The following MCPH1 variants were observed in gnomAD, a reference collection of about 807,000 sequenced individuals.
The protein encoded by MCPH1 is microcephalin 1, also known as microcephalin.
MCPH1 carries 104 observed loss-of-function variants against 84.5 expected under a neutral mutation model. That is an observed-to-expected ratio of 1.23 (90% CI 1.05 to 1.45). MCPH1 has a LOEUF of 1.45. MCPH1 is among the 40% of genes most tolerant of loss of function. The pLI is 0.00. For synonymous variants in MCPH1, 514 were observed against 366.8 expected, an observed-to-expected ratio of 1.40 and a Z score of -4.58; for missense variants, 1,498 against 1,005.7, an observed-to-expected ratio of 1.49 and a Z score of -6.62.
In MCPH1 at chr8:6,414,826, C is replaced by A; in HGVS notation, c.176C>A (p.Thr59Asn). 6.2e-7 allele frequency: 1 copy of A among 1,613,784 alleles called. No individual in the cohort carries two copies. The highest frequency in any genetic ancestry group is 8.5e-7 in the Non-Finnish European group (1 of 1,179,884). Residue 59 changes from threonine (T) to asparagine (N), a missense_variant, in exon 3 of 14, where the codon ACT (threonine) becomes AAT (asparagine). By Grantham distance (65) the Thr-to-Asn change is moderately conservative. Transcript: ENST00000344683. ...HVIFKDGYQS[T>N]WDKAQKRGVK... ...ATCTTCAAAGATGGCTACCAGAGCA[C>A]TTGGGACAAAGCTCAGAAGAGAGGC... is the stretch of plus-strand genomic sequence containing the variant.
rs11459930 is a variant in MCPH1, at chr8:6,453,396, CT to C, written c.1826-1735del. ...GTGAAAACATGTTAACAATATCAGT[CT>C]TTTTTTTTTTTAATATCAGTCTTTC... is the stretch of plus-strand genomic sequence containing the variant. On this transcript the variant is annotated intron_variant, in intron 8 of 13. Transcript: ENST00000344683. Among the ~76,000 whole-genome samples the C allele has an allele frequency of 2.1e-3, 310 of 147,388 alleles. 2 individuals carry two copies. Among genetic ancestry groups the C allele is most frequent in the African/African-American group, 6.9e-3 (275 of 40,012 alleles).
chr8:6,638,105 G>A (rs547665692), intron 13 of MCPH1, among the ~76,000 whole-genome samples: 3 of 151,990 alleles, frequency 2.0e-5, no homozygotes, highest in African/African-American at 7.2e-5. Context: ...CATGTGATAT[G>A]AGCAGATGAA....
intron 12 of MCPH1, among the ~76,000 whole-genome samples, chr8:6,600,191 C>T (rs946650230): frequency 6.6e-6 from 1 of 152,244 alleles, no homozygotes; most frequent in Non-Finnish European, 1.5e-5. Flanking sequence ...GTCAAATCTG[C>T]AAAACCTACT....
chr8:6,436,269 G>T, intron 5 of MCPH1, 107 bp downstream of exon 5: 1 of 1,224,222 alleles, frequency 8.2e-7, no homozygotes, highest in Non-Finnish European at 1.1e-6. Flanking sequence ...TGAAGACTAT[G>T]ATAGCTTTAC....
intron 12 of MCPH1, among the ~76,000 whole-genome samples, chr8:6,550,041 T>A (rs898119851): frequency 3.9e-5 from 6 of 152,214 alleles, no homozygotes; most frequent in African/African-American, 1.4e-4. Flanking sequence ...GAATGGAAGA[T>A]GTGCCTGCTG....
At chr8:6,516,085 A>T (rs1816215110) in intron 12 of MCPH1, among the ~76,000 whole-genome samples, 1 of 152,196 alleles carries the variant, frequency 6.6e-6, no homozygotes, top group Non-Finnish European at 1.5e-5. Context: ...TGCCTTCCCC[A>T]GTGGCACTCA....
chr8:6,580,863 G>A (rs113037916), intron 12 of MCPH1, among the ~76,000 whole-genome samples: 17 of 152,224 alleles, frequency 1.1e-4, no homozygotes, highest in African/African-American at 3.4e-4. Context: ...TACATTAAAC[G>A]TTACTGATTC....
At chr8:6,447,011 TGTCCAGGC>T in intron 8 of MCPH1, 1 of 54,972 alleles carries the variant, frequency 1.8e-5, no homozygotes, top group African/African-American at 3.9e-5. Context: ...CAGGCAGGGG[TGTCCAGGC>T]AGGGCCCGGG....
At chr8:6,447,060 G>T in intron 8 of MCPH1, 1 of 985,430 alleles carries the variant, frequency 1.0e-6, no homozygotes. Context: ...GCGCTAGTGC[G>T]AGAGGATCTT....
intron 12 of MCPH1, chr8:6,513,904 G>A: frequency 1.4e-6 from 2 of 1,466,264 alleles, no homozygotes; most frequent in South Asian, 2.6e-5. Flanking sequence ...TATATTTGAA[G>A]TGGATAGTCC....
At chr8:6,442,223 G>C (rs1314176946) in intron 7 of MCPH1, 67 bp downstream of exon 7, 4 of 1,030,584 alleles carry the variant, frequency 3.9e-6, no homozygotes, top group African/African-American at 1.6e-5. Flanking sequence ...TTCTGATTTA[G>C]AATTTCATGT....
At chr8:6,495,188 A>C (rs1335026951) in intron 11 of MCPH1, among the ~76,000 whole-genome samples, 1 of 152,234 alleles carries the variant, frequency 6.6e-6, no homozygotes, top group Non-Finnish European at 1.5e-5. Context: ...TAAAAATTAT[A>C]CTATTGACAT....
intron 12 of MCPH1, among the ~76,000 whole-genome samples, chr8:6,584,396 G>A (rs922047983): frequency 1.3e-5 from 2 of 152,142 alleles, no homozygotes; most frequent in African/African-American, 4.8e-5. Flanking sequence ...TATACCAACT[G>A]ATTTAAAAGG....
At chr8:6,537,985 C>T (rs1820807556) in intron 12 of MCPH1, among the ~76,000 whole-genome samples, 1 of 152,110 alleles carries the variant, frequency 6.6e-6, no homozygotes, top group Non-Finnish European at 1.5e-5. Flanking sequence ...ATCAGAGGGT[C>T]TAAAGACCTT....
At chr8:6,553,524 A>T (rs563329873) in intron 12 of MCPH1, among the ~76,000 whole-genome samples, 1 of 152,312 alleles carries the variant, frequency 6.6e-6, no homozygotes, top group South Asian at 2.1e-4. Flanking sequence ...GAATCTGATC[A>T]TGTCCAAGAT....
At chr8:6,424,728 C>G (rs1246426300) in intron 3 of MCPH1, among the ~76,000 whole-genome samples, 1 of 152,216 alleles carries the variant, frequency 6.6e-6, no homozygotes, top group Non-Finnish European at 1.5e-5. Flanking sequence ...CTAGGTTCCT[C>G]CAGTAGCTCC....
At chr8:6,509,083 A>C (rs1237909838) in intron 12 of MCPH1, 1 of 1,610,690 alleles carries the variant, frequency 6.2e-7, no homozygotes, top group African/African-American at 1.3e-5. Context: ...GCAAAGAAAA[A>C]AAACACATTG....
rs11137034 is a variant in MCPH1 at position 6,477,394 on chromosome 8, C to T, written c.1936-200C>T. ...CTCATGTCTGGATTATTTTGGATTG[C>T]TTTGGGGACAGTATCTGAGTTTCTA... On this transcript the variant is annotated intron_variant, in intron 9 of 13. Coordinates refer to ENST00000344683, the MANE Select transcript of MCPH1 (RefSeq NM_024596.5). 1.4e-3 allele frequency: 811 copies of T among 578,722 alleles called. 9 individuals carry two copies. The East Asian group carries it at 0.019, about 14-fold the overall frequency. The allele number at this position is 578,722 out of a possible 1,614,324, so 35.8% of individuals were successfully genotyped here. A position where few individuals can be genotyped will look rare whatever the true frequency, so the allele number is the denominator to read the frequency against.
chr8:6,460,644 T>G (rs1045582498), intron 9 of MCPH1, among the ~76,000 whole-genome samples: 4 of 152,196 alleles, frequency 2.6e-5, no homozygotes, highest in African/African-American at 7.2e-5. Context: ...TTTCTGTTTT[T>G]CTTATCTGTT....
Sources: gnomAD v4.1 joint callset for allele counts (sites outside exome capture counted in the v4.1 genomes callset) on GRCh38, gnomAD v4.1.1 for gene constraint, MANE v1.5 for transcripts, NCBI Gene and HGNC (gene_info 2026-07-23, HGNC 2026-07-21) for gene names.